The following ZMYM4 variants were observed in gnomAD, a reference collection of about 807,000 sequenced individuals.
ZMYM4 encodes the protein zinc finger MYM-type containing 4.
A neutral mutation model predicts 183.2 loss-of-function variants in ZMYM4; 31 were observed. That is an observed-to-expected ratio of 0.17 (90% CI 0.13 to 0.23). The LOEUF is 0.23. Ranked by LOEUF, ZMYM4 falls within the 10% of genes least tolerant of loss-of-function variation. The probability of loss-of-function intolerance (pLI) is 1.00; values close to 1 mark genes in which losing one functional copy is unlikely to be tolerated. For missense variants in ZMYM4, 1,273 were observed against 1,840.3 expected, an observed-to-expected ratio of 0.69 and a Z score of 5.64; for synonymous variants, 592 against 631.2, an observed-to-expected ratio of 0.94 and a Z score of 0.93.
intron 2 of ZMYM4, chr1:35,350,988 G>C: frequency 2.4e-6 from 2 of 826,768 alleles, no homozygotes; most frequent in Non-Finnish European, 3.9e-6. Flanking sequence ...TTTGAAGGTT[G>C]GCCTGACAAA....
intron 2 of ZMYM4, among the ~76,000 whole-genome samples, chr1:35,336,002 T>G (rs13375517): frequency 0.018 from 2,684 of 152,334 alleles, 75 homozygotes; most frequent in African/African-American, 0.06. Flanking sequence ...TCAGTAGTGT[T>G]AAGTATATTC....
intron 1 of ZMYM4, among the ~76,000 whole-genome samples, chr1:35,283,821 C>T (rs1003142009): frequency 2.0e-5 from 3 of 151,950 alleles, no homozygotes; most frequent in Non-Finnish European, 2.9e-5. Flanking sequence ...AATTGCTTGT[C>T]TTTTTTGTTG....
chr1:35,344,598 C>G (rs1394971794), intron 2 of ZMYM4, among the ~76,000 whole-genome samples: 1 of 151,776 alleles, frequency 6.6e-6, no homozygotes, highest in Non-Finnish European at 1.5e-5. Flanking sequence ...CTTAGATGAT[C>G]ATGTTATTTT....
chr1:35,327,081 G>A (rs1393818905), intron 2 of ZMYM4, among the ~76,000 whole-genome samples: 2 of 152,026 alleles, frequency 1.3e-5, no homozygotes, highest in South Asian at 2.1e-4. Context: ...GGCTGTTCTC[G>A]AACTCCTGAC....
In ZMYM4 at chr1:35,389,514, G is replaced by A. The variant is rs934213538; in HGVS notation, c.2436+432G>A. Among the ~76,000 whole-genome samples, 1 of 152,060 alleles carries A rather than the reference G, an allele frequency of 6.6e-6. No individual in the cohort carries two copies. The highest frequency in any genetic ancestry group is 2.4e-5 in the African/African-American group (1 of 41,426). On this transcript the variant is annotated intron_variant, in intron 14 of 29. Coordinates refer to ENST00000314607, the MANE Select transcript of ZMYM4 (RefSeq NM_005095.3). The surrounding 1 kb of genome is among the most constrained non-coding windows in gnomAD (Gnocchi z 4.0). The stretch of plus-strand genomic sequence containing the variant: ...TCACGCCTGTAATCCCAGCACTTTG[G>A]GAGGCCGAGGCGGGTGGATCATGAG...
chr1:35,290,086 GC>G (rs1640688968), intron 1 of ZMYM4, among the ~76,000 whole-genome samples: 1 of 151,766 alleles, frequency 6.6e-6, no homozygotes, highest in East Asian at 1.9e-4. Flanking sequence ...TCCCACCTCA[GC>G]CTCTGAAGTA....
chr1:35,313,023 A>G (rs981314191), intron 1 of ZMYM4, among the ~76,000 whole-genome samples: 1 of 152,144 alleles, frequency 6.6e-6, no homozygotes, highest in African/African-American at 2.4e-5. Context: ...CCTCCCGAGT[A>G]GCTGGGACTA....
At position 35,338,749 on chromosome 1, in the gene ZMYM4, A is replaced by G. The variant is rs1171670253; in HGVS notation, c.85+13344A>G. 2.6e-5 allele frequency among the ~76,000 whole-genome samples: 4 copies of G among 152,224 alleles called. No individual in the cohort carries two copies. In the East Asian group the frequency reaches 5.8e-4, roughly 22 times the overall value. On this transcript the variant is annotated intron_variant, in intron 2 of 29. Transcript: ENST00000314607. ...TGAACATTTTTCACATTTATTGGGT[A>G]TTTTTAATTTTTTTTGTGAAATGCC...
chr1:35,416,576 T>TA (rs1431095845), intron 28 of ZMYM4, among the ~76,000 whole-genome samples: 6 of 152,174 alleles, frequency 3.9e-5, no homozygotes, highest in African/African-American at 1.4e-4. Context: ...TTTATTTATT[T>TA]ATTTTGAGAT....
intron 1 of ZMYM4, among the ~76,000 whole-genome samples, chr1:35,318,521 A>C (rs1642152635): frequency 6.6e-6 from 1 of 151,994 alleles, no homozygotes. Flanking sequence ...ACAGTGGCAT[A>C]ATCTCGGCTC....
chr1:35,294,339 A>G (rs1240409609), intron 1 of ZMYM4, among the ~76,000 whole-genome samples: 1 of 152,180 alleles, frequency 6.6e-6, no homozygotes, highest in East Asian at 1.9e-4. Context: ...TTATAAAAGT[A>G]TGTGTTCCAT....
chr1:35,321,916 C>T (rs1642298187), intron 1 of ZMYM4, among the ~76,000 whole-genome samples: 1 of 151,116 alleles, frequency 6.6e-6, no homozygotes. Flanking sequence ...CATACCTAAG[C>T]CATATCATAT....
chr1:35,387,431 A>T (rs1227395967), intron 12 of ZMYM4, 23 bp from the exon 13 acceptor site: 1 of 1,592,122 alleles, frequency 6.3e-7, no homozygotes, highest in South Asian at 1.2e-5. Flanking sequence ...TTTAATTAGT[A>T]CTTAATGATT....
chr1:35,315,905 G>A (rs989873515), intron 1 of ZMYM4, among the ~76,000 whole-genome samples: 1 of 152,096 alleles, frequency 6.6e-6, no homozygotes, highest in Non-Finnish European at 1.5e-5. Context: ...TGGCCTGGGT[G>A]ACAGAGTGAG....
Position 35,415,723 on chromosome 1 carries a change from TACTG to T in ZMYM4, c.4309+10_4309+13del. On this transcript the variant is annotated intron_variant, in intron 28 of 29. Transcript: ENST00000314607. ...GCAGGAGTCAGAACCAGGTACGGGA[TACTG>T]TTTGTCAGATTTCTCTTTGAAGTCT... The T allele has an allele frequency of 6.2e-7, 1 of 1,608,126 alleles. No homozygotes were observed. The highest frequency in any genetic ancestry group is 1.3e-5 in the African/African-American group (1 of 75,020).
intron 2 of ZMYM4, among the ~76,000 whole-genome samples, chr1:35,339,699 G>A (rs762711784): frequency 1.3e-4 from 20 of 152,122 alleles, no homozygotes; most frequent in Admixed American, 1.2e-3. Context: ...AGGGATGACT[G>A]TATATTATTT....
rs142403595 is a variant in ZMYM4 at position 35,384,513 on chromosome 1, T to G, written c.1570-929T>G. ...ATTTGCTGCTGAATCCCTAATTGGG[T>G]GAAGACTTAAGATAACGGACTCTGG... On this transcript the variant is annotated intron_variant, in intron 9 of 29. Transcript: ENST00000314607. Among the ~76,000 whole-genome samples the G allele has an allele frequency of 1.1e-4, 17 of 152,312 alleles. 1 individual carries two copies. Among genetic ancestry groups the G allele is most frequent in the African/African-American group, 3.4e-4 (14 of 41,566 alleles).
chr1:35,337,196 TA>T (rs543218432), intron 2 of ZMYM4, among the ~76,000 whole-genome samples: 3 of 150,308 alleles, frequency 2.0e-5, no homozygotes, highest in Admixed American at 6.6e-5. Context: ...CCATCTCCGC[TA>T]AAAAAAAATA....
rs1644644832 is a variant in ZMYM4 at position 35,389,116 on chromosome 1, C to G, written c.2436+34C>G. 6.4e-7 allele frequency: 1 copy of G among 1,574,036 alleles called. No individual in the cohort carries two copies. Among genetic ancestry groups the G allele is most frequent in the Non-Finnish European group, 8.6e-7 (1 of 1,161,788 alleles). On this transcript the variant is annotated intron_variant, in intron 14 of 29. Transcript: ENST00000314607. The surrounding 1 kb of genome is among the most constrained non-coding windows in gnomAD (Gnocchi z 4.0). ...AATTCACATTCCTGGGTTTTTCATT[C>G]TAGGGCATAAATTATTCCCTTTTAA... is the stretch of plus-strand genomic sequence containing the variant.
Sources: gnomAD v4.1 joint callset for allele counts (sites outside exome capture counted in the v4.1 genomes callset) on GRCh38, gnomAD v4.1.1 for gene constraint, Gnocchi (gnomAD v3.1) non-coding constraint, MANE v1.5 for transcripts, NCBI Gene and HGNC (gene_info 2026-07-23, HGNC 2026-07-21) for gene names.